The following AP3S1 variants were observed in gnomAD, a reference collection of about 807,000 sequenced individuals.
The protein encoded by AP3S1 is AP-3 complex subunit sigma-1.
A neutral mutation model predicts 21.3 loss-of-function variants in AP3S1; 12 were observed. The ratio of observed to expected loss-of-function variants is 0.56; its 90% CI spans 0.36 to 0.91. AP3S1 has a LOEUF of 0.91. Ranked by LOEUF, AP3S1 falls within the 40% of genes least tolerant of loss-of-function variation. The pLI, the probability that AP3S1 is intolerant of heterozygous loss-of-function variation, is 0.01. For synonymous variants in AP3S1, 48 were observed against 78.4 expected, an observed-to-expected ratio of 0.61 and a Z score of 2.05; for missense variants, 116 against 225.0, an observed-to-expected ratio of 0.52 and a Z score of 3.10.
chr5:115,887,496 A>G (rs375768561), intron 3 of AP3S1, among the ~76,000 whole-genome samples: 58 of 152,084 alleles, frequency 3.8e-4, no homozygotes, highest in African/African-American at 1.3e-3. Flanking sequence ...TCTGCCAAAT[A>G]AGTGGTATTG....
intron 3 of AP3S1, among the ~76,000 whole-genome samples, chr5:115,885,424 A>G (rs983959071): frequency 3.3e-5 from 5 of 152,332 alleles, no homozygotes; most frequent in South Asian, 2.1e-4. Context: ...TGTAAATCCA[A>G]GAGTCCAAAG....
At chr5:115,892,645 G>A (rs10039749) in intron 3 of AP3S1, among the ~76,000 whole-genome samples, 55,303 of 151,876 alleles carry the variant, frequency 0.36, 10,553 homozygotes, top group African/African-American at 0.45. Context: ...AAGGATAGTT[G>A]CTAGAGACTT....
At chr5:115,901,509 G>A (rs1281105482) in intron 4 of AP3S1, among the ~76,000 whole-genome samples, 1 of 150,388 alleles carries the variant, frequency 6.6e-6, no homozygotes, top group Non-Finnish European at 1.5e-5. Context: ...ATTTGTGCAT[G>A]AGGTGTCCAT....
intron 5 of AP3S1, chr5:115,906,995 C>T: frequency 2.4e-6 from 3 of 1,246,178 alleles, no homozygotes; most frequent in Non-Finnish European, 3.0e-6. Flanking sequence ...GCCTATTTTC[C>T]ATTCTAGTTT....
intron 5 of AP3S1, among the ~76,000 whole-genome samples, chr5:115,906,257 T>C (rs1297711424): frequency 1.3e-5 from 2 of 152,206 alleles, no homozygotes; most frequent in East Asian, 3.8e-4. Flanking sequence ...TTAAGTAATA[T>C]CTTAGGAACA....
chr5:115,853,061 AAGTGACTGTACC>A (rs1169761346), intron 1 of AP3S1: 1 of 451,840 alleles, frequency 2.2e-6, no homozygotes. Context: ...CTATATTCTA[AAGTGACTGTACC>A]ATTTTACATT....
At chr5:115,853,110 G>A in intron 1 of AP3S1, 1 of 424,524 alleles carries the variant, frequency 2.4e-6, no homozygotes, top group Middle Eastern at 6.4e-4. Context: ...GAGGGCTCCA[G>A]TTTCTTCATA....
At chr5:115,878,209 A>G (rs1179351545) in intron 3 of AP3S1, among the ~76,000 whole-genome samples, 1 of 152,080 alleles carries the variant, frequency 6.6e-6, no homozygotes, top group Admixed American at 6.5e-5. Flanking sequence ...GTTTAATTAG[A>G]TCCCATTTGT....
At chr5:115,853,580 GTT>G (rs976464672) in intron 1 of AP3S1, among the ~76,000 whole-genome samples, 17 of 152,268 alleles carry the variant, frequency 1.1e-4, no homozygotes, top group Admixed American at 3.3e-4. Context: ...CCTTTCAAGA[GTT>G]TAGTAGCCTT....
chr5:115,878,450 A>G lies in AP3S1; in HGVS notation c.273+8322A>G, dbSNP rs557670180. Among the ~76,000 whole-genome samples the G allele has an allele frequency of 3.1e-3, 477 of 152,244 alleles. 1 individual carries two copies. The highest frequency in any genetic ancestry group is 0.011 in the African/African-American group (437 of 41,558). Reference sequence around the variant, plus strand: ...CCAGTTTTCCCAACATCTATTAAACAGGGATCTTTTCCCCATTTCTTGTTT... The same window carrying G: ...CCAGTTTTCCCAACATCTATTAAACGGGGATCTTTTCCCCATTTCTTGTTT... On this transcript the variant is annotated intron_variant, in intron 3 of 5. Coordinates refer to ENST00000316788, the MANE Select transcript of AP3S1 (RefSeq NM_001284.4).
Position 115,842,023 on chromosome 5 carries a change from CGG to C in AP3S1, c.-14_-13del. ...CCCTGGCCCCCAGTGCCCACCCGGTCGGCCCGGCACAGCCATGATCAAGGCGA... is the reference window on the plus strand; with the variant it reads ...CCCTGGCCCCCAGTGCCCACCCGGTCCCCGGCACAGCCATGATCAAGGCGA... On this transcript the variant is annotated 5_prime_UTR_variant, in exon 1 of 6. Coordinates refer to ENST00000316788, the MANE Select transcript of AP3S1 (RefSeq NM_001284.4). 4 of 1,579,872 alleles carry C rather than the reference CGG, an allele frequency of 2.5e-6. No individual in the cohort carries two copies. The highest frequency in any genetic ancestry group is 3.4e-6 in the Non-Finnish European group (4 of 1,164,336).
intron 4 of AP3S1, chr5:115,898,927 A>G (rs1428727619): frequency 6.6e-6 from 1 of 152,276 alleles, no homozygotes; most frequent in Non-Finnish European, 1.5e-5. Flanking sequence ...TGTGGCTCCA[A>G]TTGGGTGGCC....
chr5:115,896,883 T>C (rs1750794898), intron 4 of AP3S1, among the ~76,000 whole-genome samples: 1 of 152,232 alleles, frequency 6.6e-6, no homozygotes, highest in South Asian at 2.1e-4. Flanking sequence ...TAAATACATT[T>C]ACCATCTTTT....
At chr5:115,885,717 T>G (rs1322422039) in intron 3 of AP3S1, among the ~76,000 whole-genome samples, 1 of 152,222 alleles carries the variant, frequency 6.6e-6, no homozygotes, top group African/African-American at 2.4e-5. Context: ...CGTCCTTCAC[T>G]CAAGTTAACA....
At chr5:115,860,592 A>G (rs1421251298) in intron 1 of AP3S1, among the ~76,000 whole-genome samples, 3 of 152,182 alleles carry the variant, frequency 2.0e-5, no homozygotes, top group Non-Finnish European at 4.4e-5. Context: ...GCACCAATTC[A>G]TGAGGTTTTT....
intron 1 of AP3S1, 146 bp downstream of exon 1, chr5:115,842,252 T>C (rs1488147462): frequency 3.2e-5 from 41 of 1,282,754 alleles, no homozygotes; most frequent in Non-Finnish European, 4.1e-5. Flanking sequence ...GCTGTCAGCC[T>C]CCTGGTGGGT....
At chr5:115,858,839 A>G (rs929804717) in intron 1 of AP3S1, among the ~76,000 whole-genome samples, 5 of 149,670 alleles carry the variant, frequency 3.3e-5, no homozygotes, top group African/African-American at 1.2e-4. Context: ...TCTTATATTA[A>G]TGATATATAT....
chr5:115,875,252 TA>T (rs1748609026), intron 3 of AP3S1, among the ~76,000 whole-genome samples: 1 of 152,182 alleles, frequency 6.6e-6, no homozygotes, highest in Non-Finnish European at 1.5e-5. Flanking sequence ...ATTTATGTGA[TA>T]AGAAATAGTC....
intron 3 of AP3S1, among the ~76,000 whole-genome samples, chr5:115,894,712 G>A (rs1362892614): frequency 6.6e-6 from 1 of 152,140 alleles, no homozygotes; most frequent in Non-Finnish European, 1.5e-5. Flanking sequence ...GATATAGTAG[G>A]GACTTGGACT....
Sources: gnomAD v4.1 joint callset for allele counts (sites outside exome capture counted in the v4.1 genomes callset) on GRCh38, gnomAD v4.1.1 for gene constraint, MANE v1.5 for transcripts, NCBI Gene and HGNC (gene_info 2026-07-23, HGNC 2026-07-21) for gene names.